Variants in PRKAR1A observed in about 807,000 individuals in gnomAD.
PRKAR1A encodes the protein cAMP-dependent protein kinase type I-alpha regulatory subunit.
A neutral mutation model predicts 52.0 loss-of-function variants in PRKAR1A; 3 were observed. That is an observed-to-expected ratio of 0.06 (90% CI 0.03 to 0.15). The LOEUF (loss-of-function observed/expected upper bound fraction) is 0.15. Ranked by LOEUF, PRKAR1A falls within the 10% of genes least tolerant of loss-of-function variation. The pLI is 1.00. For missense variants in PRKAR1A, 240 were observed against 477.4 expected (o/e 0.50, Z 4.63); for synonymous variants, 188 against 168.4 (o/e 1.12, Z -0.90).
intron 2 of PRKAR1A, among the ~76,000 whole-genome samples, chr17:68,518,663 C>T (rs1447630577): frequency 1.3e-5 from 2 of 152,230 alleles, no homozygotes; most frequent in Non-Finnish European, 2.9e-5. Flanking sequence ...GAGGGGCTGT[C>T]CTGAAGGTCT....
At chr17:68,522,144 G>GT (rs1187923610) in intron 2 of PRKAR1A, among the ~76,000 whole-genome samples, 3 of 152,120 alleles carry the variant, frequency 2.0e-5, no homozygotes, top group Non-Finnish European at 4.4e-5. Flanking sequence ...TTCATTATTT[G>GT]TTTTTATCTG....
chr17:68,518,172 T>C (rs2085490851), intron 2 of PRKAR1A, among the ~76,000 whole-genome samples: 1 of 152,202 alleles, frequency 6.6e-6, no homozygotes, highest in African/African-American at 2.4e-5. Context: ...CTGTTGCTTT[T>C]CCAGGTGCAT....
chr17:68,479,003 C>G, the PRKAR1A span, among the ~76,000 whole-genome samples: 2 of 152,228 alleles, frequency 1.3e-5, no homozygotes, highest in African/African-American at 4.8e-5. Context: ...GCTGGGATTA[C>G]AGGCATAAGC....
chr17:68,536,156 G>A (rs1028759415), downstream of PRKAR1A: 3 of 453,994 alleles, frequency 6.6e-6, no homozygotes, highest in African/African-American at 6.0e-5. Context: ...TCCAGTCGAG[G>A]CTATCTTTGC....
At chr17:68,530,146 A>T in intron 10 of PRKAR1A, 131 bp from the exon 11 acceptor site, 1 of 1,493,072 alleles carries the variant, frequency 6.7e-7, no homozygotes, top group Non-Finnish European at 9.3e-7. Flanking sequence ...AAGGTGTGAG[A>T]TTTTGATCTT....
chr17:68,507,780 A>G (rs528692291), upstream of PRKAR1A, among the ~76,000 whole-genome samples: 16 of 152,346 alleles, frequency 1.1e-4, no homozygotes, highest in South Asian at 3.1e-3. Context: ...ACAAAAGGTC[A>G]GCCTTGTTTA....
the PRKAR1A span, among the ~76,000 whole-genome samples, chr17:68,495,125 C>A: frequency 1.6e-3 from 249 of 152,234 alleles, no homozygotes; most frequent in Non-Finnish European, 2.8e-3. Flanking sequence ...CTCCTGAGCC[C>A]AAGAGGTCCT....
At chr17:68,457,319 G>A in the PRKAR1A span, 3 of 1,540,892 alleles carry the variant, frequency 1.9e-6, no homozygotes, top group South Asian at 1.2e-5. Flanking sequence ...CACCTCCCTG[G>A]CAGGGGCCGA....
At chr17:68,418,623 A>G in the PRKAR1A span, among the ~76,000 whole-genome samples, 1 of 152,204 alleles carries the variant, frequency 6.6e-6, no homozygotes, top group African/African-American at 2.4e-5. Flanking sequence ...CTTTGCCCCT[A>G]TAGACTTCCT....
chr17:68,470,931 G>T, the PRKAR1A span, among the ~76,000 whole-genome samples: 1 of 152,096 alleles, frequency 6.6e-6, no homozygotes, highest in African/African-American at 2.4e-5. Context: ...CCAAAAGCAT[G>T]GCCTTTTTGA....
chr17:68,445,744 C>T, the PRKAR1A span, among the ~76,000 whole-genome samples: 2 of 152,188 alleles, frequency 1.3e-5, no homozygotes, highest in Admixed American at 1.3e-4. Context: ...GGGCAGACAT[C>T]GGTGCTGGTG....
chr17:68,461,693 A>G, the PRKAR1A span, among the ~76,000 whole-genome samples: 662 of 152,296 alleles, frequency 4.3e-3, 7 homozygotes, highest in African/African-American at 0.015. The surrounding 1 kb of genome is among the most constrained non-coding windows in gnomAD (Gnocchi z 4.6). Flanking sequence ...GGACCAGTGT[A>G]TGGTAGCCCT....
intron 11 of PRKAR1A, among the ~76,000 whole-genome samples, chr17:68,546,829 C>CA (rs35112614): frequency 0.17 from 14,457 of 83,820 alleles, 1,216 homozygotes; most frequent in South Asian, 0.22. Context: ...GACTACGGCT[C>CA]AAAAAAAAAA....
chr17:68,425,322 G>A, the PRKAR1A span, among the ~76,000 whole-genome samples: 40 of 152,056 alleles, frequency 2.6e-4, no homozygotes, highest in African/African-American at 9.4e-4. Context: ...TCCCATCTCA[G>A]CGTCCCGAAT....
At chr17:68,517,253 C>A (rs188477939) in intron 2 of PRKAR1A, among the ~76,000 whole-genome samples, 144 of 152,202 alleles carry the variant, frequency 9.5e-4, no homozygotes, top group Non-Finnish European at 1.6e-3. Context: ...AATATAGATA[C>A]CTGGACCTTT....
At chr17:68,449,348 G>C in the PRKAR1A span, among the ~76,000 whole-genome samples, 1 of 152,182 alleles carries the variant, frequency 6.6e-6, no homozygotes, top group African/African-American at 2.4e-5. Context: ...ACAGTAATTT[G>C]GCCAAGCGTG....
the PRKAR1A span, chr17:68,429,881 G>A: frequency 6.7e-7 from 1 of 1,486,570 alleles, no homozygotes; most frequent in South Asian, 1.2e-5. Context: ...AAGCCACCGT[G>A]CCCAGCCTGG....
intron 2 of PRKAR1A, 92 bp downstream of exon 2, chr17:68,515,668 A>G (rs1482677208): frequency 7.1e-7 from 1 of 1,407,890 alleles, no homozygotes; most frequent in Non-Finnish European, 9.8e-7. Context: ...TTTGGAAGAA[A>G]AGGAATCTGA....
At chr17:68,536,439 G>A (rs1457608093), downstream of PRKAR1A, 6 of 454,160 alleles carry the variant, frequency 1.3e-5, no homozygotes, top group Admixed American at 1.4e-4. Context: ...AAGTCAGGGA[G>A]AAGGTAGAGG....
Sources: gnomAD v4.1 joint callset for allele counts (sites outside exome capture counted in the v4.1 genomes callset) on GRCh38, gnomAD v4.1.1 for gene constraint, Gnocchi (gnomAD v3.1) non-coding constraint, MANE v1.5 for transcripts, NCBI Gene and HGNC (gene_info 2026-07-23, HGNC 2026-07-21) for gene names.